The following MTMR2 variants were observed in gnomAD, a reference collection of about 807,000 sequenced individuals.
The protein encoded by MTMR2 is phosphatidylinositol-3,5-bisphosphate 3-phosphatase MTMR2.
In MTMR2, 55 loss-of-function variants were observed where a neutral mutation model predicts 86.9. The observed-to-expected ratio is 0.63, with a 90% confidence interval of 0.51 to 0.79. MTMR2 has a LOEUF of 0.79. MTMR2 is among the 30% of genes least tolerant of loss of function. MTMR2 has a pLI of 0.00. For synonymous variants in MTMR2, 241 were observed against 266.8 expected (o/e 0.90, Z 0.94); for missense variants, 659 against 772.3 (o/e 0.85, Z 1.74).
chr11:95,836,850 G>T (rs1863308055), intron 13 of MTMR2, among the ~76,000 whole-genome samples: 1 of 151,924 alleles, frequency 6.6e-6, no homozygotes, highest in South Asian at 2.1e-4. Flanking sequence ...TTAGTGTTTG[G>T]CAGGGGTGAA....
intron 11 of MTMR2, among the ~76,000 whole-genome samples, chr11:95,842,535 T>G (rs1229065031): frequency 6.6e-6 from 1 of 152,188 alleles, no homozygotes; most frequent in Non-Finnish European, 1.5e-5. Flanking sequence ...TCTACCTAGT[T>G]TCTCAGTTAT....
chr11:95,844,545 A>G (rs1863690287), intron 11 of MTMR2, among the ~76,000 whole-genome samples: 1 of 152,172 alleles, frequency 6.6e-6, no homozygotes, highest in Admixed American at 6.5e-5. Flanking sequence ...AAGCCCCCAC[A>G]TATACCAAGG....
intron 1 of MTMR2, among the ~76,000 whole-genome samples, chr11:95,894,581 TTA>T (rs1458827844): frequency 1.3e-5 from 2 of 152,162 alleles, no homozygotes; most frequent in African/African-American, 4.8e-5. Flanking sequence ...GTGGATGGCA[TTA>T]TGTTTGAAGT....
intron 7 of MTMR2, among the ~76,000 whole-genome samples, chr11:95,852,880 CA>C (rs1864074033): frequency 6.6e-6 from 1 of 151,846 alleles, no homozygotes; most frequent in African/African-American, 2.4e-5. Context: ...TTCTATTATA[CA>C]AAACTTAGCC....
At chr11:95,917,398 C>T (rs1427152743) in intron 1 of MTMR2, among the ~76,000 whole-genome samples, 2 of 152,148 alleles carry the variant, frequency 1.3e-5, no homozygotes, top group South Asian at 2.1e-4. Context: ...CATCTGTATC[C>T]AGGTTATCTC....
rs192651072 is a variant in MTMR2, at chr11:95,881,031, G to A, written c.186+7125C>T. On this transcript the variant is annotated intron_variant, in intron 2 of 14. Transcript: ENST00000346299. ...TGATATCGTAAGTCATAATGATATT[G>A]TCATATATTTTCTTCTAAAATTTTA... Among the ~76,000 whole-genome samples the A allele has an allele frequency of 2.0e-5, 3 of 151,768 alleles. No homozygotes were observed. The East Asian group carries it at 5.8e-4, about 29-fold the overall frequency.
intron 1 of MTMR2, among the ~76,000 whole-genome samples, chr11:95,920,838 AGT>A (rs1419626290): frequency 6.6e-6 from 1 of 152,098 alleles, no homozygotes; most frequent in Non-Finnish European, 1.5e-5. Context: ...CCTAGGCTCA[AGT>A]GATCCTCCCA....
At chr11:95,854,169 C>T (rs1458977984) in intron 7 of MTMR2, among the ~76,000 whole-genome samples, 1 of 152,124 alleles carries the variant, frequency 6.6e-6, no homozygotes, top group African/African-American at 2.4e-5. Context: ...AAGCAGAAAA[C>T]TGGAATTGGC....
rs1744348466 is a variant in MTMR2, at chr11:95,923,592, G to A, written c.80+283C>T. On this transcript the variant is annotated intron_variant, in intron 1 of 14. Transcript: ENST00000346299. ...AAAAAAGGTTTGAGAGGGAATGAAA[G>A]ACAGGAGAAAGTAATTAACTGGGAC... The A allele has an allele frequency of 4.4e-6, 5 of 1,141,334 alleles. No individual in the cohort carries two copies. The Admixed American group carries it at 9.9e-5, about 23-fold the overall frequency. The allele number at this position is 1,141,334 out of a possible 1,614,324, so 70.7% of individuals were successfully genotyped here.
intron 2 of MTMR2, among the ~76,000 whole-genome samples, chr11:95,883,136 C>T (rs1487460997): frequency 1.3e-5 from 2 of 152,020 alleles, no homozygotes; most frequent in African/African-American, 4.8e-5. Context: ...GGAACTACTA[C>T]ATAGCTTGAC....
rs112042173 is a variant in MTMR2 at position 95,854,879 on chromosome 11, G to A, written c.654+2673C>T. 6.5e-3 allele frequency among the ~76,000 whole-genome samples: 993 copies of A among 152,046 alleles called. 7 individuals are homozygous for A. The highest frequency in any genetic ancestry group is 0.011 in the African/African-American group (459 of 41,462). The stretch of plus-strand genomic sequence containing the variant: ...GCTGGAGTGCAGTGGCATGCTCAGG[G>A]CTCACTGCAGCCTCGAGCTCCAGGG... On this transcript the variant is annotated intron_variant, in intron 7 of 14. Coordinates refer to ENST00000346299, the MANE Select transcript of MTMR2 (RefSeq NM_016156.6).
chr11:95,900,191 A>G (rs950351655), intron 1 of MTMR2, among the ~76,000 whole-genome samples: 1 of 152,150 alleles, frequency 6.6e-6, no homozygotes, highest in Non-Finnish European at 1.5e-5. Flanking sequence ...ATCATTGAAC[A>G]TTGAACTTGA....
intron 7 of MTMR2, among the ~76,000 whole-genome samples, chr11:95,851,872 C>T (rs1027479500): frequency 6.6e-6 from 1 of 152,146 alleles, no homozygotes; most frequent in African/African-American, 2.4e-5. Flanking sequence ...AAGAAAAATG[C>T]TTGAAACAAT....
At chr11:95,856,255 C>T (rs1359012619) in intron 7 of MTMR2, among the ~76,000 whole-genome samples, 3 of 151,408 alleles carry the variant, frequency 2.0e-5, no homozygotes, top group Non-Finnish European at 4.4e-5. Context: ...CACAGGTTGT[C>T]CTGCAAGGAA....
intron 7 of MTMR2, among the ~76,000 whole-genome samples, chr11:95,851,582 G>A (rs191619782): frequency 2.0e-3 from 304 of 151,928 alleles, no homozygotes; most frequent in African/African-American, 6.8e-3. Context: ...GGCTGGTTGC[G>A]AACTCCTGAC....
chr11:95,838,012 T>G (rs2135407037), intron 13 of MTMR2, 82 bp downstream of exon 13: 1 of 896,270 alleles, frequency 1.1e-6, no homozygotes, highest in East Asian at 2.5e-5. Context: ...TGACTTCAGT[T>G]GAAATCTGTC....
At chr11:95,903,797 G>T (rs918626879) in intron 1 of MTMR2, among the ~76,000 whole-genome samples, 3 of 152,080 alleles carry the variant, frequency 2.0e-5, no homozygotes, top group African/African-American at 7.2e-5. Context: ...TTACTATGGA[G>T]AAATCATCCA....
rs543409487 is a variant in MTMR2 at position 95,900,042 on chromosome 11, A to T, written c.81-11781T>A. 1.1e-4 allele frequency among the ~76,000 whole-genome samples: 17 copies of T among 152,272 alleles called. No homozygotes were observed. In the South Asian group the frequency reaches 3.1e-3, roughly 28 times the overall value. Reference sequence around the variant, plus strand: ...ATTCTAGAGGAACTTAGGTCAGTTAATAAGTTATTGTATTAGAGCAGTAAG... The same window carrying T: ...ATTCTAGAGGAACTTAGGTCAGTTATTAAGTTATTGTATTAGAGCAGTAAG... On this transcript the variant is annotated intron_variant, in intron 1 of 14. Coordinates refer to ENST00000346299, the MANE Select transcript of MTMR2 (RefSeq NM_016156.6).
intron 1 of MTMR2, among the ~76,000 whole-genome samples, chr11:95,907,497 A>C (rs1866326215): frequency 6.6e-6 from 1 of 151,968 alleles, no homozygotes; most frequent in African/African-American, 2.4e-5. Flanking sequence ...AGGAGGAAGG[A>C]CTCCCTAACT....
Sources: allele counts gnomAD v4.1 joint callset (sites outside exome capture counted in the v4.1 genomes callset), GRCh38; gene constraint gnomAD v4.1.1; transcripts MANE v1.5; gene names NCBI Gene and HGNC (gene_info 2026-07-23, HGNC 2026-07-21).